Variants in MPPED2 observed in about 807,000 individuals in gnomAD.
The protein encoded by MPPED2 is metallophosphoesterase domain containing 2.
In MPPED2, 5 loss-of-function variants were observed where a neutral mutation model predicts 33.0. The ratio of observed to expected loss-of-function variants is 0.15; its 90% CI spans 0.08 to 0.32. The LOEUF is 0.32. MPPED2 is among the 10% of genes least tolerant of loss of function. The pLI is 1.00. For missense variants in MPPED2, 275 were observed against 372.1 expected (o/e 0.74, Z 2.15); for synonymous variants, 136 against 141.9 (o/e 0.96, Z 0.29).
chr11:30,484,802 G>A (rs1554979217), intron 4 of MPPED2, among the ~76,000 whole-genome samples: 1 of 152,110 alleles, frequency 6.6e-6, no homozygotes, highest in Non-Finnish European at 1.5e-5. Flanking sequence ...AACCTGCCAT[G>A]CAAAGAAACT....
chr11:30,452,487 C>T (rs949400767), intron 4 of MPPED2, among the ~76,000 whole-genome samples: 11 of 152,214 alleles, frequency 7.2e-5, no homozygotes, highest in Non-Finnish European at 1.2e-4. Context: ...TGCCTCACTA[C>T]ATCAGTATTT....
exon 7 of MPPED2, chr11:30,386,359 A>T: frequency 5.7e-6 from 1 of 176,054 alleles, no homozygotes. Flanking sequence ...GGCCACATTC[A>T]GGACCCCACT....
intron 2 of MPPED2, among the ~76,000 whole-genome samples, chr11:30,545,463 G>A (rs975433185): frequency 6.6e-6 from 1 of 152,080 alleles, no homozygotes. Flanking sequence ...CCTACACCGA[G>A]TCTCCCGTAG....
chr11:30,428,686 C>T (rs1379314030), intron 4 of MPPED2, among the ~76,000 whole-genome samples: 1 of 152,128 alleles, frequency 6.6e-6, no homozygotes, highest in Non-Finnish European at 1.5e-5. Context: ...TGACCTTGGA[C>T]AAGTTCATCT....
intron 4 of MPPED2, among the ~76,000 whole-genome samples, chr11:30,438,066 G>A (rs1392146093): frequency 6.6e-6 from 1 of 152,134 alleles, no homozygotes; most frequent in Non-Finnish European, 1.5e-5. Flanking sequence ...ATAAAGCTCA[G>A]TTAAAATACG....
intron 2 of MPPED2, among the ~76,000 whole-genome samples, chr11:30,568,682 CA>C (rs759892895): frequency 6.6e-6 from 1 of 152,088 alleles, no homozygotes; most frequent in African/African-American, 2.4e-5. Context: ...CCCTAGCATA[CA>C]AAAAACGCAA....
At chr11:30,535,145 T>A (rs1356976621) in intron 3 of MPPED2, among the ~76,000 whole-genome samples, 1 of 152,180 alleles carries the variant, frequency 6.6e-6, no homozygotes, top group Non-Finnish European at 1.5e-5. Flanking sequence ...ATTTAAAAAA[T>A]TTTCAAACCC....
Position 30,508,510 on chromosome 11 carries a change from A to T in MPPED2, c.311-12989T>A, listed in dbSNP as rs530778175. Among the ~76,000 whole-genome samples, 10 of 152,254 alleles carry T rather than the reference A, an allele frequency of 6.6e-5. No individual in the cohort carries two copies. In the South Asian group the frequency reaches 1.9e-3, roughly 28 times the overall value. ...ACCAAACCTGCTAGTAGCCTCCACA[A>T]CTGTGAGAAAATAAATGTCTGTTGT... On this transcript the variant is annotated intron_variant, in intron 3 of 6. Transcript: ENST00000358117.
chr11:30,442,949 C>T (rs189047479), intron 4 of MPPED2, among the ~76,000 whole-genome samples: 1 of 152,222 alleles, frequency 6.6e-6, no homozygotes, highest in Admixed American at 6.5e-5. Flanking sequence ...GCTATGATCA[C>T]ACCACTGCAC....
intron 6 of MPPED2, among the ~76,000 whole-genome samples, chr11:30,404,708 T>C (rs1186248810): frequency 6.6e-6 from 1 of 152,246 alleles, no homozygotes; most frequent in Non-Finnish European, 1.5e-5. Flanking sequence ...TTTACCTTCA[T>C]GTGTCAATAT....
At position 30,536,001 on chromosome 11, in the gene MPPED2, G is replaced by A. The variant is rs946733134; in HGVS notation, c.303C>T (p.Asp101=). The change falls in exon 3 of 7, where the codon GAC becomes GAT. Residue 101 remains aspartate (D), a synonymous_variant. Coordinates refer to ENST00000358117, the MANE Select transcript of MPPED2 (RefSeq NM_001584.3). The stretch of plus-strand genomic sequence containing the variant: ...AACGCAATCATTCCTTACCTAACCA[G>A]TCATTAAACTTCTTAACCTCTGAGG... ...GLPSEVKKFN[D]WLGNLPYEYK... 4 of 1,603,844 alleles carry A rather than the reference G, an allele frequency of 2.5e-6. No homozygotes were observed. In the East Asian group the frequency reaches 8.9e-5, roughly 36 times the overall value.
chr11:30,401,164 T>C (rs780176227), intron 6 of MPPED2, among the ~76,000 whole-genome samples: 40 of 152,176 alleles, frequency 2.6e-4, no homozygotes, highest in Admixed American at 3.9e-4. Flanking sequence ...TTTCGAAAAA[T>C]CAGTAGAGAA....
chr11:30,400,923 A>G (rs1472626250), intron 6 of MPPED2, among the ~76,000 whole-genome samples: 5 of 151,880 alleles, frequency 3.3e-5, no homozygotes, highest in Admixed American at 1.3e-4. Flanking sequence ...GCATGCCACG[A>G]CCCTCAGCTA....
intron 3 of MPPED2, chr11:30,504,891 A>G: frequency 1.0e-6 from 1 of 995,336 alleles, no homozygotes; most frequent in Non-Finnish European, 1.4e-6. Context: ...TGAGCCAGAA[A>G]CCCAGGAGAA....
intron 2 of MPPED2, among the ~76,000 whole-genome samples, chr11:30,546,104 G>A (rs189360336): frequency 6.6e-6 from 1 of 152,306 alleles, no homozygotes; most frequent in Non-Finnish European, 1.5e-5. Flanking sequence ...ACAGACATGA[G>A]TCACCGTGCC....
chr11:30,473,184 C>A (rs1951023936), intron 4 of MPPED2, among the ~76,000 whole-genome samples: 1 of 152,150 alleles, frequency 6.6e-6, no homozygotes, highest in African/African-American at 2.4e-5. Flanking sequence ...TTGGCTGATT[C>A]TCTCTGTGGT....
At chr11:30,468,256 A>ACT (rs3837402) in intron 4 of MPPED2, among the ~76,000 whole-genome samples, 18,021 of 142,518 alleles carry the variant, frequency 0.13, 1,566 homozygotes, top group African/African-American at 0.26. Context: ...ACACACACAC[A>ACT]CTCTCTCTCT....
chr11:30,556,709 A>G (rs557593873), intron 2 of MPPED2, among the ~76,000 whole-genome samples: 1 of 152,320 alleles, frequency 6.6e-6, no homozygotes, highest in Non-Finnish European at 1.5e-5. Flanking sequence ...TCCTAGGGTT[A>G]TGATATAATA....
At chr11:30,489,141 T>G (rs568292544) in intron 4 of MPPED2, among the ~76,000 whole-genome samples, 1 of 152,218 alleles carries the variant, frequency 6.6e-6, no homozygotes, top group African/African-American at 2.4e-5. Context: ...GTATCTGAAT[T>G]CTATCATATG....
Sources: allele counts gnomAD v4.1 joint callset (sites outside exome capture counted in the v4.1 genomes callset), GRCh38; gene constraint gnomAD v4.1.1; transcripts MANE v1.5; gene names NCBI Gene and HGNC (gene_info 2026-07-23, HGNC 2026-07-21).